SV2B: variants seen among roughly 807,000 people sequenced by gnomAD.
SV2B encodes synaptic vesicle glycoprotein 2B, also known as solute carrier family 22 member B2.
SV2B carries 41 observed loss-of-function variants against 73.9 expected under a neutral mutation model. The observed-to-expected ratio is 0.56, with a 90% confidence interval of 0.43 to 0.72. SV2B has a LOEUF of 0.72. Ranked by LOEUF, SV2B falls within the 30% of genes least tolerant of loss-of-function variation. The pLI is 0.00. For missense variants in SV2B, 764 were observed against 857.8 expected, an observed-to-expected ratio of 0.89 and a Z score of 1.37; for synonymous variants, 314 against 314.2, an observed-to-expected ratio of 1.00 and a Z score of 0.01.
chr15:91,125,087 C>G (rs1036194451), intron 1 of SV2B, among the ~76,000 whole-genome samples: 1 of 152,182 alleles, frequency 6.6e-6, no homozygotes, highest in African/African-American at 2.4e-5. Context: ...ATAGCCTTCC[C>G]TTGGTGCAAG....
At position 91,105,942 on chromosome 15, in the gene SV2B, G is replaced by C. The variant is rs959063160; in HGVS notation, c.-392+5579G>C. Among the ~76,000 whole-genome samples the C allele has an allele frequency of 1.3e-5, 2 of 152,098 alleles. No individual in the cohort carries two copies. Among genetic ancestry groups the C allele is most frequent in the Admixed American group, 6.6e-5 (1 of 15,262 alleles). Reference sequence around the variant, plus strand: ...CACATGCCTGTAGCCCTAGCTACTCGGGAGTCTGAGGTGGGAGGATCACCT... The same window carrying C: ...CACATGCCTGTAGCCCTAGCTACTCCGGAGTCTGAGGTGGGAGGATCACCT... On this transcript the variant is annotated intron_variant, in intron 1 of 12. Coordinates refer to ENST00000394232, the MANE Select transcript of SV2B (RefSeq NM_001323032.3). The surrounding 1 kb of genome is among the most constrained non-coding windows in gnomAD (Gnocchi z 5.5).
chr15:91,266,334 C>G (rs1331045855), intron 6 of SV2B, among the ~76,000 whole-genome samples: 1 of 152,222 alleles, frequency 6.6e-6, no homozygotes, highest in Non-Finnish European at 1.5e-5. Context: ...TCTGCTGTCT[C>G]CTCATATCCT....
chr15:91,288,050 A>G lies in SV2B; in HGVS notation c.1709-1471A>G, dbSNP rs1389143997. ...ACCTTCCCCTCCCAACTGATAAGAAAGTCCATGGGGTTAGCGTGTAGAGGG... is the reference window on the plus strand; with the variant it reads ...ACCTTCCCCTCCCAACTGATAAGAAGGTCCATGGGGTTAGCGTGTAGAGGG... On this transcript the variant is annotated intron_variant, in intron 11 of 12. Transcript: ENST00000394232. This position sits in a 1 kb window ranked among gnomAD's most constrained non-coding sequence, Gnocchi z 5.8. Among the ~76,000 whole-genome samples the G allele has an allele frequency of 2.6e-5, 4 of 152,112 alleles. No homozygotes were observed. The highest frequency in any genetic ancestry group is 5.9e-5 in the Non-Finnish European group (4 of 68,022).
At chr15:91,272,938 T>C (rs1434395966) in intron 9 of SV2B, among the ~76,000 whole-genome samples, 2 of 150,874 alleles carry the variant, frequency 1.3e-5, no homozygotes, top group Non-Finnish European at 2.9e-5. Context: ...GTTCAAGCGA[T>C]TCTCCTGTGT....
In SV2B at chr15:91,269,153, C is replaced by T. The variant is rs144216555; in HGVS notation, c.1373+548C>T. Among the ~76,000 whole-genome samples, 1,162 of 152,056 alleles carry T rather than the reference C, an allele frequency of 7.6e-3. 9 individuals are homozygous for T. The highest frequency in any genetic ancestry group is 0.054 in the Middle Eastern group (16 of 294). Reference sequence around the variant, plus strand: ...AGGATTAGAAAAGTCCTGTTCACAGCTTTGTGGGGCTGCTTCCTCAATCCA... The same window carrying T: ...AGGATTAGAAAAGTCCTGTTCACAGTTTTGTGGGGCTGCTTCCTCAATCCA... On this transcript the variant is annotated intron_variant, in intron 9 of 12. Transcript: ENST00000394232.
intron 2 of SV2B, 33 bp from the exon 3 acceptor site, chr15:91,251,786 C>G: frequency 4.4e-6 from 7 of 1,601,354 alleles, no homozygotes; most frequent in Non-Finnish European, 6.0e-6. Context: ...TGTCTTTTCT[C>G]TCTATTCTCT....
intron 1 of SV2B, among the ~76,000 whole-genome samples, chr15:91,107,329 T>A (rs112254691): frequency 2.2e-4 from 13 of 59,554 alleles, no homozygotes; most frequent in Admixed American, 7.5e-4. Flanking sequence ...TTATTTATTT[T>A]TTGAGATGGA....
intron 9 of SV2B, among the ~76,000 whole-genome samples, chr15:91,270,420 G>A (rs2048253780): frequency 6.6e-6 from 1 of 152,198 alleles, no homozygotes; most frequent in Admixed American, 6.5e-5. Context: ...GAGAGGTTAA[G>A]TATCTTGCTC....
rs34715451 is a variant in SV2B, at chr15:91,284,208, G to C, written c.1695G>C (p.Arg565Ser). ...CCCTGCTCATGGATAGAATTGGAAG[G>C]CTCAAGATGATTGGTGAGTTGCCAG... ...ISALLMDRIG[R>S]LKMIGGSMLI... Residue 565 changes from arginine (R) to serine (S), a missense_variant, in exon 11 of 13, where the codon AGG (arginine) becomes AGC (serine). Physicochemically the swap from Arg to Ser is moderately radical, Grantham distance 110. Transcript: ENST00000394232. This position sits in a 1 kb window ranked among gnomAD's most constrained non-coding sequence, Gnocchi z 4.5. The C allele has an allele frequency of 5.0e-6, 8 of 1,614,014 alleles. No individual in the cohort carries two copies. The highest frequency in any genetic ancestry group is 1.3e-5 in the African/African-American group (1 of 74,930).
chr15:91,208,873 C>T (rs572939775), intron 1 of SV2B, among the ~76,000 whole-genome samples: 76 of 152,274 alleles, frequency 5.0e-4, no homozygotes, highest in East Asian at 9.7e-4. Flanking sequence ...TCAGTATCCA[C>T]GGACAGTTTA....
At chr15:91,276,650 C>T (rs551683958) in intron 9 of SV2B, among the ~76,000 whole-genome samples, 73 of 151,826 alleles carry the variant, frequency 4.8e-4, no homozygotes, top group South Asian at 2.1e-4. Flanking sequence ...ACAATTCTAG[C>T]GTTTCTTTCT....
At chr15:91,249,064 G>A (rs1056526535) in intron 2 of SV2B, among the ~76,000 whole-genome samples, 4 of 78,154 alleles carry the variant, frequency 5.1e-5, no homozygotes, top group African/African-American at 1.1e-4. Context: ...ATACATCTAC[G>A]TTTTCACACA....
At chr15:91,256,103 A>G (rs1436296938) in intron 4 of SV2B, among the ~76,000 whole-genome samples, 2 of 152,218 alleles carry the variant, frequency 1.3e-5, no homozygotes, top group African/African-American at 4.8e-5. Flanking sequence ...CTCAGAAAAA[A>G]AAATGGATAT....
intron 9 of SV2B, among the ~76,000 whole-genome samples, chr15:91,270,716 A>G (rs1446931422): frequency 6.6e-6 from 1 of 152,236 alleles, no homozygotes; most frequent in East Asian, 1.9e-4. Flanking sequence ...CCGGGCTTTC[A>G]GCAAACTGCT....
At position 91,106,528 on chromosome 15, in the gene SV2B, C is replaced by G. The variant is rs1223253759; in HGVS notation, c.-392+6165C>G. On this transcript the variant is annotated intron_variant, in intron 1 of 12. Coordinates refer to ENST00000394232, the MANE Select transcript of SV2B (RefSeq NM_001323032.3). This position sits in a 1 kb window ranked among gnomAD's most constrained non-coding sequence, Gnocchi z 4.4. ...AAGTTATTTCCTTTCTTTACAAGGT[C>G]TCATGGGAGCCTTATTGTGGATCTT... 6.6e-6 allele frequency among the ~76,000 whole-genome samples: 1 copy of G among 152,214 alleles called. No homozygotes were observed. The highest frequency in any genetic ancestry group is 2.4e-5 in the African/African-American group (1 of 41,528).
chr15:91,119,061 G>C (rs1211872105), intron 1 of SV2B, among the ~76,000 whole-genome samples: 1 of 152,162 alleles, frequency 6.6e-6, no homozygotes, highest in Non-Finnish European at 1.5e-5. Context: ...TCTGCAGGAT[G>C]CTTGGCCAGT....
In SV2B at chr15:91,283,569, G is replaced by T. The variant is rs1473745318; in HGVS notation, c.1508-452G>T. ...TCCTGCCTCAGGTGCCAGAGTAGCT[G>T]GGACTACAGGCACACACCACCCCAC... On this transcript the variant is annotated intron_variant, in intron 10 of 12. Transcript: ENST00000394232. The surrounding 1 kb of genome is among the most constrained non-coding windows in gnomAD (Gnocchi z 4.3). Among the ~76,000 whole-genome samples the T allele has an allele frequency of 3.3e-5, 5 of 152,108 alleles. No individual in the cohort carries two copies. The highest frequency in any genetic ancestry group is 1.2e-4 in the African/African-American group (5 of 41,414).
At chr15:91,153,051 G>A (rs547296353) in intron 1 of SV2B, among the ~76,000 whole-genome samples, 3 of 152,254 alleles carry the variant, frequency 2.0e-5, no homozygotes, top group South Asian at 2.1e-4. Context: ...GATGGAAATG[G>A]TGAACTCTGC....
intron 5 of SV2B, among the ~76,000 whole-genome samples, chr15:91,259,223 T>C (rs1214666107): frequency 6.6e-6 from 1 of 152,230 alleles, no homozygotes; most frequent in Non-Finnish European, 1.5e-5. Flanking sequence ...TCAGGTCTTT[T>C]AGCTACACAG....
Sources: allele counts gnomAD v4.1 joint callset (sites outside exome capture counted in the v4.1 genomes callset), GRCh38; gene constraint gnomAD v4.1.1; non-coding constraint Gnocchi (gnomAD v3.1); transcripts MANE v1.5; gene names NCBI Gene and HGNC (gene_info 2026-07-23, HGNC 2026-07-21).